Variants in ZNF564 observed in about 807,000 individuals in gnomAD.
ZNF564 encodes zinc finger protein 564.
Under a neutral mutation model 10.5 loss-of-function variants are expected in ZNF564, and 5 were observed. The observed-to-expected ratio is 0.48, with a 90% confidence interval of 0.25 to 1.00. ZNF564 has a LOEUF of 1.00. ZNF564 is among the 50% of genes least tolerant of loss of function. ZNF564 has a pLI of 0.16. For synonymous variants in ZNF564, 242 were observed against 218.1 expected (o/e 1.11, Z -0.97); for missense variants, 603 against 669.7 (o/e 0.90, Z 1.10).
intron 1 of ZNF564, among the ~76,000 whole-genome samples, chr19:12,544,929 G>A (rs937019028): frequency 2.0e-5 from 3 of 152,122 alleles, no homozygotes; most frequent in Admixed American, 6.6e-5. Context: ...ACAAGCCTGA[G>A]GACCATTCAT....
At chr19:12,546,610 A>C (rs1423723699) in intron 1 of ZNF564, among the ~76,000 whole-genome samples, 2 of 152,158 alleles carry the variant, frequency 1.3e-5, no homozygotes, top group Non-Finnish European at 2.9e-5. Context: ...GGGCACCTGT[A>C]GTCCAGGCTA....
At chr19:12,534,174 A>G (rs10417483) in intron 1 of ZNF564, among the ~76,000 whole-genome samples, 1,874 of 152,264 alleles carry the variant, frequency 0.012, 28 homozygotes, top group African/African-American at 0.043. Context: ...TCTCACCACT[A>G]CTATTCAACA....
At chr19:12,530,679 A>C (rs1247923863) in intron 1 of ZNF564, among the ~76,000 whole-genome samples, 1 of 152,188 alleles carries the variant, frequency 6.6e-6, no homozygotes, top group Non-Finnish European at 1.5e-5. Flanking sequence ...CTCTTTCTCA[A>C]ATTTCAAGAG....
intron 1 of ZNF564, among the ~76,000 whole-genome samples, chr19:12,541,036 C>G (rs1235881926): frequency 7.0e-6 from 1 of 142,810 alleles, no homozygotes; most frequent in Non-Finnish European, 1.5e-5. Context: ...ATAGCCCCAG[C>G]CTCAGGAATG....
intron 1 of ZNF564, chr19:12,550,695 C>G (rs1233954921): frequency 1.3e-5 from 2 of 157,914 alleles, no homozygotes; most frequent in East Asian, 3.8e-4. Context: ...CAAATCCTTT[C>G]AAAAGAGTAT....
At chr19:12,528,889 C>A (rs1486353021) in intron 1 of ZNF564, among the ~76,000 whole-genome samples, 193 bp from the exon 2 acceptor site, 2 of 152,142 alleles carry the variant, frequency 1.3e-5, no homozygotes, top group Non-Finnish European at 2.9e-5. Flanking sequence ...CATGGTGAAA[C>A]CCCATCTCTA....
chr19:12,535,704 T>C (rs72999893), intron 1 of ZNF564, among the ~76,000 whole-genome samples: 4 of 152,204 alleles, frequency 2.6e-5, no homozygotes, highest in Non-Finnish European at 4.4e-5. Flanking sequence ...TGTACCACAG[T>C]AATACAATAT....
Position 12,527,119 on chromosome 19 carries a change from GTTCT to G in ZNF564, c.985_988del (p.Arg329LeufsTer55), listed in dbSNP as rs1459465906. On this transcript the variant is annotated frameshift_variant, in exon 4 of 4. Transcript: ENST00000339282. LOFTEE classifies it low-confidence loss of function (END_TRUNC). Reference sequence around the variant, plus strand: ...TTCATAGGGTTTCTCCCCAGTATGAGTTCTTTCATGCTTTCGAACATAACTGGGA... The same window carrying G: ...TTCATAGGGTTTCTCCCCAGTATGAGTTCATGCTTTCGAACATAACTGGGA... 3.0e-5 allele frequency: 48 copies of G among 1,613,968 alleles called. No homozygotes were observed. The highest frequency in any genetic ancestry group is 4.0e-5 in the Non-Finnish European group (47 of 1,180,020).
intron 1 of ZNF564, among the ~76,000 whole-genome samples, chr19:12,547,306 C>T (rs553408896): frequency 2.0e-5 from 3 of 152,254 alleles, no homozygotes; most frequent in East Asian, 1.9e-4. Context: ...CCTCCTGTTT[C>T]GGCCTCCCAA....
At chr19:12,531,746 A>T (rs954267889) in intron 1 of ZNF564, among the ~76,000 whole-genome samples, 8 of 152,290 alleles carry the variant, frequency 5.3e-5, no homozygotes, top group Admixed American at 4.6e-4. Flanking sequence ...CCAAGAAGGA[A>T]GGTCAGAGAC....
At chr19:12,535,766 A>G (rs1879677555) in intron 1 of ZNF564, among the ~76,000 whole-genome samples, 1 of 152,160 alleles carries the variant, frequency 6.6e-6, no homozygotes, top group Non-Finnish European at 1.5e-5. Flanking sequence ...CTGTAATCCC[A>G]GCACTTTGGG....
chr19:12,540,257 T>G (rs927897461), intron 1 of ZNF564, among the ~76,000 whole-genome samples: 1 of 152,214 alleles, frequency 6.6e-6, no homozygotes, highest in Non-Finnish European at 1.5e-5. Context: ...GGCCTGGCTG[T>G]CATGAGACTG....
Position 12,527,429 on chromosome 19 carries a change from A to C in ZNF564, c.679T>G (p.Cys227Gly). 6.2e-7 allele frequency: 1 copy of C among 1,614,140 alleles called. No homozygotes were observed. The highest frequency in any genetic ancestry group is 8.5e-7 in the Non-Finnish European group (1 of 1,179,994). Residue 227 changes from cysteine to glycine, a missense_variant, in exon 4 of 4, where the codon TGT (cysteine) becomes GGT (glycine). Coordinates refer to ENST00000339282, the MANE Select transcript of ZNF564 (RefSeq NM_144976.4). The stretch of plus-strand genomic sequence containing the variant: ...ATGAAAGCTTTTGCACATTCCTGAC[A>C]TTCATAGGGTTTCTCTCCAGTGTGA... ...RTHTGEKPYE[C>G]QECAKAFISL...
chr19:12,535,368 G>A (rs912462955), intron 1 of ZNF564, among the ~76,000 whole-genome samples: 7 of 152,086 alleles, frequency 4.6e-5, no homozygotes, highest in East Asian at 1.9e-4. Context: ...GTGAGACTCC[G>A]TCTCAAAAAG....
chr19:12,536,478 A>C (rs1301856794), intron 1 of ZNF564, among the ~76,000 whole-genome samples: 1 of 152,162 alleles, frequency 6.6e-6, no homozygotes, highest in Non-Finnish European at 1.5e-5. Context: ...CGCCTGGCCC[A>C]TATCATATTT....
At chr19:12,541,124 C>T (rs986751805) in intron 1 of ZNF564, among the ~76,000 whole-genome samples, 1 of 150,386 alleles carries the variant, frequency 6.6e-6, no homozygotes, top group African/African-American at 2.4e-5. Context: ...GTGGCACGCA[C>T]CTGCAGTTCC....
At chr19:12,532,263 C>G (rs2861413) in intron 1 of ZNF564, among the ~76,000 whole-genome samples, 1 of 151,136 alleles carries the variant, frequency 6.6e-6, no homozygotes, top group African/African-American at 2.4e-5. Context: ...TGGCCGGGCG[C>G]GGTGGCTCAC....
At chr19:12,541,322 CG>C (rs1568265859) in intron 1 of ZNF564, 1 of 151,768 alleles carries the variant, frequency 6.6e-6, no homozygotes, top group East Asian at 2.0e-4. Context: ...CTGAGATGGG[CG>C]GATCACCTGA....
At chr19:12,543,685 A>C (rs150196129) in intron 1 of ZNF564, among the ~76,000 whole-genome samples, 2,618 of 151,534 alleles carry the variant, frequency 0.017, 78 homozygotes, top group African/African-American at 0.061. Flanking sequence ...AAAAAAAAAA[A>C]AAAAAAAAAA....
Sources: allele counts gnomAD v4.1 joint callset (sites outside exome capture counted in the v4.1 genomes callset), GRCh38; gene constraint gnomAD v4.1.1; transcripts MANE v1.5; gene names NCBI Gene and HGNC (gene_info 2026-07-23, HGNC 2026-07-21).